Variants in DNAH14 observed in about 807,000 individuals in gnomAD.
DNAH14 encodes the protein dynein axonemal heavy chain 14.
A neutral mutation model predicts 520.9 loss-of-function variants in DNAH14; 478 were observed. That is an observed-to-expected ratio of 0.92 (90% confidence interval 0.85 to 0.99). DNAH14 has a LOEUF of 0.99. DNAH14 is among the 50% of genes least tolerant of loss of function. The pLI is 0.00. For missense variants in DNAH14, 4,831 were observed against 5,234.5 expected (o/e 0.92, Z 2.38); for synonymous variants, 1,581 against 1,757.2 (o/e 0.90, Z 2.51).
intron 19 of DNAH14, 135 bp downstream of exon 19, chr1:225,080,883 A>G (rs2073039740): frequency 1.1e-6 from 1 of 879,688 alleles, no homozygotes; most frequent in African/African-American, 1.7e-5. Flanking sequence ...ACAATACAGG[A>G]GTATAGGTAG....
chr1:224,964,345 T>C (rs887582956), intron 4 of DNAH14, 134 bp from the exon 5 acceptor site: 1 of 1,020,478 alleles, frequency 9.8e-7, no homozygotes, highest in Non-Finnish European at 1.3e-6. Flanking sequence ...TTTTTTCTCC[T>C]CTAATAATCG....
At chr1:225,205,901 A>C (rs879473546) in intron 39 of DNAH14, 70 bp from the exon 40 acceptor site, 49 of 1,324,068 alleles carry the variant, frequency 3.7e-5, no homozygotes, top group Non-Finnish European at 5.1e-5. Context: ...TAAAATAGAA[A>C]ATTAGCAAGA....
At chr1:225,227,258 T>C (rs1327119852) in intron 41 of DNAH14, among the ~76,000 whole-genome samples, 1 of 152,090 alleles carries the variant, frequency 6.6e-6, no homozygotes, top group African/African-American at 2.4e-5. Flanking sequence ...CCTTGGACAA[T>C]ACCCAGGCTT....
At position 225,338,075 on chromosome 1, in the gene DNAH14, A is replaced by G. The variant is rs2095098582; in HGVS notation, c.10326A>G (p.Thr3442=). 1 of 1,546,212 alleles carries G rather than the reference A, an allele frequency of 6.5e-7. No homozygotes were observed. The highest frequency in any genetic ancestry group is 8.7e-7 in the Non-Finnish European group (1 of 1,145,640). The change falls in exon 68 of 86, where the codon ACA becomes ACG. Residue 3442 remains threonine (T), a synonymous_variant. Transcript: ENST00000682510. ...GGGTTTTTCAGAATCTCCTTGAGAC[A>G]TTAGCTCCAGGCTTAAAGGCAATTC... ...GSVLLQNLLE[T]LAPGLKAILK... is the part of the protein sequence containing the mutation.
intron 44 of DNAH14, among the ~76,000 whole-genome samples, chr1:225,256,000 A>G (rs1389342638): frequency 1.3e-5 from 2 of 152,222 alleles, no homozygotes; most frequent in African/African-American, 2.4e-5. Flanking sequence ...TTAAAATCCA[A>G]TTTTTAACTC....
intron 73 of DNAH14, among the ~76,000 whole-genome samples, chr1:225,357,315 T>TAA (rs537481703): frequency 1.2e-4 from 17 of 144,212 alleles, no homozygotes; most frequent in Admixed American, 9.7e-4. Context: ...CTCCTACCTC[T>TAA]AAAAAAAAAA....
chr1:225,058,311 T>C (rs2069458524), intron 17 of DNAH14, among the ~76,000 whole-genome samples: 1 of 152,220 alleles, frequency 6.6e-6, no homozygotes, highest in South Asian at 2.1e-4. Flanking sequence ...TTCTAGTTTA[T>C]TTGTGTAGAA....
chr1:225,026,782 C>A (rs1434606386), intron 11 of DNAH14, among the ~76,000 whole-genome samples: 1 of 152,108 alleles, frequency 6.6e-6, no homozygotes, highest in African/African-American at 2.4e-5. Flanking sequence ...ATCAGCTTGA[C>A]AATTTCTGCA....
At chr1:225,101,727 A>G (rs561748625) in intron 23 of DNAH14, among the ~76,000 whole-genome samples, 5 of 152,254 alleles carry the variant, frequency 3.3e-5, no homozygotes, top group African/African-American at 4.8e-5. Context: ...TCCATTTTGT[A>G]TATATACCAC....
chr1:224,953,702 A>G (rs1382522565), intron 2 of DNAH14, among the ~76,000 whole-genome samples: 4 of 152,190 alleles, frequency 2.6e-5, no homozygotes, highest in Non-Finnish European at 5.9e-5. Flanking sequence ...GGCATGTTCA[A>G]TAATGGTGCT....
intron 38 of DNAH14, among the ~76,000 whole-genome samples, chr1:225,201,940 A>G (rs1015870133): frequency 1.4e-5 from 2 of 145,546 alleles, no homozygotes; most frequent in African/African-American, 5.3e-5. Context: ...CAATGGTGCA[A>G]TCTCAGCTCA....
intron 17 of DNAH14, among the ~76,000 whole-genome samples, chr1:225,056,041 G>C (rs1489711124): frequency 6.6e-6 from 1 of 151,822 alleles, no homozygotes; most frequent in Non-Finnish European, 1.5e-5. Context: ...AATCCTTTGG[G>C]TATATACCCA....
chr1:225,214,416 G>T (rs557171634), intron 41 of DNAH14, among the ~76,000 whole-genome samples: 1 of 152,308 alleles, frequency 6.6e-6, no homozygotes, highest in African/African-American at 2.4e-5. Flanking sequence ...GATGATGCTG[G>T]CCTCATAAAA....
chr1:225,210,444 C>G (rs1398048044), intron 41 of DNAH14, among the ~76,000 whole-genome samples: 1 of 152,094 alleles, frequency 6.6e-6, no homozygotes, highest in Non-Finnish European at 1.5e-5. Flanking sequence ...GCCACTGTAT[C>G]CAGACTGCCT....
chr1:225,373,206 G>C (rs569086680), intron 77 of DNAH14, among the ~76,000 whole-genome samples: 3 of 149,264 alleles, frequency 2.0e-5, no homozygotes, highest in Admixed American at 1.3e-4. Flanking sequence ...CAGAAAGAAA[G>C]GGGGAGAGGA....
At chr1:225,085,301 T>G (rs988426100) in intron 20 of DNAH14, among the ~76,000 whole-genome samples, 1 of 152,138 alleles carries the variant, frequency 6.6e-6, no homozygotes, top group African/African-American at 2.4e-5. Flanking sequence ...CTGGCTAGAA[T>G]CAGAGGAAAG....
chr1:225,146,006 C>T (rs2079903878), intron 30 of DNAH14, among the ~76,000 whole-genome samples: 2 of 152,106 alleles, frequency 1.3e-5, no homozygotes, highest in Admixed American at 1.3e-4. Flanking sequence ...CCTGCATTTC[C>T]AATTTGTGCT....
intron 65 of DNAH14, 140 bp downstream of exon 65, chr1:225,331,717 A>G: frequency 8.5e-7 from 1 of 1,172,256 alleles, no homozygotes. Context: ...GGATCAGTAG[A>G]CATCCTATTC....
intron 37 of DNAH14, 66 bp from the exon 38 acceptor site, chr1:225,192,630 A>AT: frequency 1.8e-6 from 2 of 1,142,266 alleles, no homozygotes; most frequent in South Asian, 1.6e-5. Flanking sequence ...AATAATAAGA[A>AT]TGCAAATAAA....
Sources: allele counts gnomAD v4.1 joint callset (sites outside exome capture counted in the v4.1 genomes callset), GRCh38; gene constraint gnomAD v4.1.1; transcripts MANE v1.5; gene names NCBI Gene and HGNC (gene_info 2026-07-23, HGNC 2026-07-21).